NPC1L1: variants seen among roughly 807,000 people sequenced by gnomAD.
NPC1L1 encodes the protein NPC1 like intracellular cholesterol transporter 1, also known as NPC1-like intracellular cholesterol transporter 1.
Under a neutral mutation model 117.0 loss-of-function variants are expected in NPC1L1, and 98 were observed. The ratio of observed to expected loss-of-function variants is 0.84; its 90% confidence interval spans 0.71 to 0.99. NPC1L1 has a LOEUF of 0.99. NPC1L1 is among the 50% of genes least tolerant of loss of function. NPC1L1 has a pLI of 0.00. For synonymous variants in NPC1L1, 729 were observed against 727.6 expected, an observed-to-expected ratio of 1.00 and a Z score of -0.03; for missense variants, 1,540 against 1,710.0, an observed-to-expected ratio of 0.90 and a Z score of 1.75.
At position 44,539,548 on chromosome 7, in the gene NPC1L1, G is replaced by A. The variant is rs758185115; in HGVS notation, c.849C>T (p.Gly283=). 1 of 1,613,976 alleles carries A rather than the reference G, an allele frequency of 6.2e-7. No individual in the cohort carries two copies. The highest frequency in any genetic ancestry group is 8.5e-7 in the Non-Finnish European group (1 of 1,179,994). The change falls in exon 2 of 19, where the codon GGC becomes GGT. Residue 283 remains glycine, a synonymous_variant. Coordinates refer to ENST00000381160, the MANE Select transcript of NPC1L1 (RefSeq NM_001101648.2). This position sits in a 1 kb window ranked among gnomAD's most constrained non-coding sequence, Gnocchi z 4.4. ...DSTFYLGQMP[G]SLVLIIILCS... is the part of the protein sequence containing the mutation. ...AGAGGATGATGATGAGGACCAGACT[G>A]CCCGGCATCTGGCCCAGGTAGAAGG...
chr7:44,533,222 T>C (rs562461685), intron 8 of NPC1L1: 74 of 525,804 alleles, frequency 1.4e-4, no homozygotes, highest in African/African-American at 1.0e-3. Context: ...CTTTAGGAGG[T>C]TTGATTATAT....
Position 44,535,868 on chromosome 7 carries a change from C to T in NPC1L1, c.1955G>A (p.Gly652Asp), listed in dbSNP as rs1210981243. 6.2e-7 allele frequency: 1 copy of T among 1,613,234 alleles called. No individual in the cohort carries two copies. Among genetic ancestry groups the T allele is most frequent in the African/African-American group, 1.3e-5 (1 of 74,900 alleles). Residue 652 changes from glycine (G) to aspartate (D), a missense_variant, in exon 5 of 19, where the codon GGC becomes GAC. Physicochemically the swap from Gly to Asp is moderately conservative, Grantham distance 94. Transcript: ENST00000381160. ...CACTCGGCTCCAGCTGGAATAGCTG[C>T]CCAGGGCCAGAGAGATGTACAGGAA... ...VIFLYISLAL[G>D]SYSSWSRVMV...
chr7:44,522,004 G>C, intron 11 of NPC1L1, 48 bp downstream of exon 11: 1 of 1,602,690 alleles, frequency 6.2e-7, no homozygotes, highest in Non-Finnish European at 8.5e-7. Flanking sequence ...GGACTGGAGG[G>C]ACTCAAACAG....
rs1399893750 is a variant in NPC1L1, at chr7:44,539,929, A to G, written c.468T>C (p.Tyr156=). ...CAAAGCTATGCTGGTAGAAGGCCTCATAGGCCACCACAGCTGGGAGTTGTC... is the reference window on the plus strand; with the variant it reads ...CAAAGCTATGCTGGTAGAAGGCCTCGTAGGCCACCACAGCTGGGAGTTGTC... ...GAGQLPAVVA[Y]EAFYQHSFAE... is the part of the protein sequence containing the mutation. Residue 156 remains tyrosine (Y), a synonymous_variant, in exon 2 of 19, where the codon TAT becomes TAC. Transcript: ENST00000381160. The surrounding 1 kb of genome is among the most constrained non-coding windows in gnomAD (Gnocchi z 4.4). 1 of 1,614,090 alleles carries G rather than the reference A, an allele frequency of 6.2e-7. No individual in the cohort carries two copies. The highest frequency in any genetic ancestry group is 1.3e-5 in the African/African-American group (1 of 74,954).
At chr7:44,529,540 A>G (rs762585370) in intron 10 of NPC1L1, among the ~76,000 whole-genome samples, 19 of 151,660 alleles carry the variant, frequency 1.3e-4, no homozygotes, top group Non-Finnish European at 2.2e-4. Context: ...CACCATGCCC[A>G]GTTAACTTTG....
chr7:44,531,417 C>T lies in NPC1L1; in HGVS notation c.2637+338G>A, dbSNP rs574633681. ...CCTTCCCCTGAACCCCTGCCCTCCC[C>T]GGGCTTCAGGCCCAGAGAATTCGCA... On this transcript the variant is annotated intron_variant, in intron 10 of 18. Coordinates refer to ENST00000381160, the MANE Select transcript of NPC1L1 (RefSeq NM_001101648.2). Among the ~76,000 whole-genome samples, 52 of 152,358 alleles carry T rather than the reference C, an allele frequency of 3.4e-4. 1 individual carries two copies. Among genetic ancestry groups the T allele is most frequent in the Middle Eastern group, 6.8e-3 (2 of 294 alleles).
intron 12 of NPC1L1, among the ~76,000 whole-genome samples, chr7:44,521,348 G>T (rs1272099519): frequency 3.3e-5 from 5 of 152,164 alleles, no homozygotes; most frequent in Admixed American, 1.3e-4. Flanking sequence ...AGAAAAACAG[G>T]CCCCACAAAG....
chr7:44,518,185 T>C (rs755456423), intron 14 of NPC1L1, among the ~76,000 whole-genome samples: 2 of 151,926 alleles, frequency 1.3e-5, no homozygotes, highest in Non-Finnish European at 1.5e-5. Flanking sequence ...CTTGTTTTTG[T>C]TTTCGAGACA....
At chr7:44,517,055 A>G in intron 15 of NPC1L1, 121 bp from the exon 16 acceptor site, 1 of 1,437,348 alleles carries the variant, frequency 7.0e-7, no homozygotes, top group African/African-American at 1.4e-5. Context: ...GGTACAAACC[A>G]GCCTAAGAAA....
At chr7:44,525,464 G>T (rs973790910) in intron 10 of NPC1L1, among the ~76,000 whole-genome samples, 2 of 152,120 alleles carry the variant, frequency 1.3e-5, no homozygotes, top group Admixed American at 6.6e-5. Context: ...CACCATGTTG[G>T]CCAGGATGGT....
At chr7:44,527,828 A>C (rs1801573063) in intron 10 of NPC1L1, among the ~76,000 whole-genome samples, 1 of 152,164 alleles carries the variant, frequency 6.6e-6, no homozygotes, top group African/African-American at 2.4e-5. Flanking sequence ...AATGCATAAA[A>C]ATACAAAAGT....
rs777474440 is a variant in NPC1L1 at position 44,531,820 on chromosome 7, C to T, written c.2572G>A (p.Gly858Arg). 5 of 1,587,262 alleles carry T rather than the reference C, an allele frequency of 3.2e-6. No homozygotes were observed. The highest frequency in any genetic ancestry group is 2.3e-5 in the East Asian group (1 of 43,936). ...VVLLLFLALF[G>R]VSLYSMCHIS... ...TGGCACATGGAGTAGAGGCTCACTC[C>T]GAACAGGGCGAGAAACAGCAGCAGC... The change falls in exon 10 of 19, where the codon GGA becomes AGA. Residue 858 changes from glycine to arginine, a missense_variant. This residue lies in a region of NPC1L1 where 742 missense variants were observed against 873.6 expected (regional missense o/e 0.85). Transcript: ENST00000381160.
Position 44,532,160 on chromosome 7 carries a change from G to A in NPC1L1, c.2467C>T (p.Gln823Ter). 1 of 1,613,992 alleles carries A rather than the reference G, an allele frequency of 6.2e-7. No homozygotes were observed. Residue 823 changes from glutamine (Q) to a stop codon, truncating the protein, a stop_gained, in exon 9 of 19, where the codon CAG (glutamine) becomes TAG (stop). Coordinates refer to ENST00000381160, the MANE Select transcript of NPC1L1 (RefSeq NM_001101648.2). LOFTEE classifies it high-confidence loss of function. ...AAGCCAAGCAGGAGCCCCTCTCCCT[G>A]GCCAGGCGGGGGCAGCTCCTGGGGC... ...VKPQELPPPG[Q>*]GEGLLLGFFQ...
chr7:44,523,575 C>T (rs1245400365), intron 10 of NPC1L1, among the ~76,000 whole-genome samples: 1 of 152,120 alleles, frequency 6.6e-6, no homozygotes, highest in Non-Finnish European at 1.5e-5. Flanking sequence ...ACACCATCCA[C>T]CAAATATCAG....
rs1376863522 is a variant in NPC1L1, at chr7:44,536,537, C to T, written c.1682-109G>A. 1 of 1,228,108 alleles carries T rather than the reference C, an allele frequency of 8.1e-7. No individual in the cohort carries two copies. Among genetic ancestry groups the T allele is most frequent in the Admixed American group, 1.8e-5 (1 of 55,838 alleles). 76.1% of individuals were successfully genotyped at this position (1,228,108 alleles called of 1,614,324 possible). A position where few individuals can be genotyped will look rare whatever the true frequency, so the allele number is the denominator to read the frequency against. On this transcript the variant is annotated intron_variant, in intron 3 of 18. Coordinates refer to ENST00000381160, the MANE Select transcript of NPC1L1 (RefSeq NM_001101648.2). The surrounding 1 kb of genome is among the most constrained non-coding windows in gnomAD (Gnocchi z 4.7). ...ATCTAGCTGCACCCCTCCCATCACC[C>T]CTTGCTCCTTCTCCCCCACTCCTTC... is the stretch of plus-strand genomic sequence containing the variant.
In NPC1L1 at chr7:44,539,460, T is replaced by C; in HGVS notation, c.937A>G (p.Lys313Glu). The C allele has an allele frequency of 6.2e-7, 1 of 1,614,080 alleles. No individual in the cohort carries two copies. Among genetic ancestry groups the C allele is most frequent in the East Asian group, 2.2e-5 (1 of 44,874 alleles). ...VGFRVAPARD[K>E]SKMVDPKKGT... ...TTCTTGGGGTCCACCATCTTGCTTT[T>C]GTCCCTGGCGGGGGCCACACGGAAT... is the stretch of plus-strand genomic sequence containing the variant. The change falls in exon 2 of 19, where the codon AAA becomes GAA. Residue 313 changes from lysine (K) to glutamate (E), a missense_variant. Lys to Glu is a moderately conservative substitution (Grantham distance 56). Around this residue, in one of 3 missense-constraint regions of NPC1L1, gnomAD observed 793 missense variants for 820.4 expected, o/e 0.97. Transcript: ENST00000381160. This position sits in a 1 kb window ranked among gnomAD's most constrained non-coding sequence, Gnocchi z 4.4.
chr7:44,536,487 C>T lies in NPC1L1; in HGVS notation c.1682-59G>A. On this transcript the variant is annotated intron_variant, in intron 3 of 18. Coordinates refer to ENST00000381160, the MANE Select transcript of NPC1L1 (RefSeq NM_001101648.2). The surrounding 1 kb of genome is among the most constrained non-coding windows in gnomAD (Gnocchi z 4.7). ...CACCCGTGCCTCCCTCCCCCTCCAG[C>T]TGCACCCCTATATTCCCTCCCCCTA... 1 of 1,575,584 alleles carries T rather than the reference C, an allele frequency of 6.3e-7. No homozygotes were observed.
intron 12 of NPC1L1, 53 bp from the exon 13 acceptor site, chr7:44,521,171 G>A: frequency 6.2e-7 from 1 of 1,612,140 alleles, no homozygotes; most frequent in South Asian, 1.1e-5. Context: ...AGCAGCTCCT[G>A]CTTTGTGCCC....
intron 14 of NPC1L1, among the ~76,000 whole-genome samples, chr7:44,520,365 T>A (rs1801317166): frequency 6.6e-6 from 1 of 152,050 alleles, no homozygotes; most frequent in Admixed American, 6.5e-5. Context: ...CTTGGCCTCC[T>A]AGAGTGCTAA....
Sources: allele counts gnomAD v4.1 joint callset (sites outside exome capture counted in the v4.1 genomes callset), GRCh38; gene constraint gnomAD v4.1.1; regional missense constraint gnomAD v4.1.1; non-coding constraint Gnocchi (gnomAD v3.1); transcripts MANE v1.5; gene names NCBI Gene and HGNC (gene_info 2026-07-23, HGNC 2026-07-21).